Variants in PXMP2 observed in about 807,000 individuals in gnomAD.
The protein encoded by PXMP2 is 22 kDa peroxisomal membrane protein.
In PXMP2, 13 loss-of-function variants were observed where a neutral mutation model predicts 20.2. The observed-to-expected ratio is 0.64, with a 90% CI of 0.42 to 1.02. The LOEUF (loss-of-function observed/expected upper bound fraction) is 1.02. PXMP2 is among the 50% of genes least tolerant of loss of function. The pLI is 0.00. For synonymous variants in PXMP2, 113 were observed against 111.2 expected, an observed-to-expected ratio of 1.02 and a Z score of -0.10; for missense variants, 284 against 251.8, an observed-to-expected ratio of 1.13 and a Z score of -0.87.
rs180840134 is a variant in PXMP2 at position 132,695,815 on chromosome 12, G to A, written c.237-69G>A. 5.4e-6 allele frequency: 8 copies of A among 1,485,616 alleles called. No individual in the cohort carries two copies. The African/African-American group carries it at 9.8e-5, about 18-fold the overall frequency. 92.0% of individuals were successfully genotyped at this position (1,485,616 alleles called of 1,614,324 possible). A position where few individuals can be genotyped will look rare whatever the true frequency, so the allele number is the denominator to read the frequency against. On this transcript the variant is annotated intron_variant, in intron 2 of 4. Transcript: ENST00000317479. ...AGGGGTTAGGACCTGGGATTTGGGG[G>A]TGAAGCTAGACCAGAGAAGAGCACA...
chr12:132,701,397 T>A (rs7958567), intron 4 of PXMP2, 28 bp downstream of exon 4: 1 of 1,609,486 alleles, frequency 6.2e-7, no homozygotes, highest in Non-Finnish European at 8.5e-7. Flanking sequence ...CAGCCTCTGC[T>A]AACATTACTT....
At chr12:132,689,572 G>C (rs766946299) in intron 1 of PXMP2, among the ~76,000 whole-genome samples, 1 of 152,186 alleles carries the variant, frequency 6.6e-6, no homozygotes, top group Admixed American at 6.5e-5. Context: ...GGATCTGATC[G>C]AGAAGGTGTC....
intron 4 of PXMP2, chr12:132,702,558 C>T (rs1449173809): frequency 6.9e-6 from 2 of 288,510 alleles, no homozygotes; most frequent in Non-Finnish European, 1.4e-5. Flanking sequence ...CTTCCCTCCC[C>T]CAGAAGGTAT....
intron 1 of PXMP2, among the ~76,000 whole-genome samples, 176 bp from the exon 2 acceptor site, chr12:132,690,067 TGTCCTTACCTGTGTGTTTAA>T (rs1447846844): frequency 6.6e-6 from 1 of 152,240 alleles, no homozygotes; most frequent in Non-Finnish European, 1.5e-5. Context: ...GAAAGCCACT[TGTCCTTACCTGTGTGTTTAA>T]GTCCACCGTC....
At chr12:132,694,804 G>A (rs1366475994) in intron 2 of PXMP2, among the ~76,000 whole-genome samples, 1 of 142,378 alleles carries the variant, frequency 7.0e-6, no homozygotes, top group Non-Finnish European at 1.5e-5. Flanking sequence ...GCCCTTGCCA[G>A]TTAGTTAGTG....
rs2043314020 is a variant in PXMP2 at position 132,687,731 on chromosome 12, G to C, written c.61G>C (p.Ala21Pro). The change falls in exon 1 of 5, where the codon GCG (alanine) becomes CCG (proline). Residue 21 changes from alanine (A) to proline (P), a missense_variant. Coordinates refer to ENST00000317479, the MANE Select transcript of PXMP2 (RefSeq NM_018663.3). Reference protein sequence around the residue: ...EAGLGALPRRALAQYLLFLRL... With the variant: ...EAGLGALPRRPLAQYLLFLRL... ...CGGGCTCGGGGCGCTGCCGCGGCGG[G>C]CGCTCGCCCAGTACCTGCTCTTCCT... The C allele has an allele frequency of 8.2e-7, 1 of 1,217,524 alleles. No individual in the cohort carries two copies. The highest frequency in any genetic ancestry group is 4.0e-5 in the East Asian group (1 of 24,746). 75.4% of individuals were successfully genotyped at this position (1,217,524 alleles called of 1,614,324 possible).
At chr12:132,704,009 G>A (rs948989130) in intron 4 of PXMP2, among the ~76,000 whole-genome samples, 7 of 152,160 alleles carry the variant, frequency 4.6e-5, no homozygotes, top group Non-Finnish European at 8.8e-5. Context: ...AGGTGTATGC[G>A]GAAGCAGCAT....
At chr12:132,698,033 A>T in intron 3 of PXMP2, among the ~76,000 whole-genome samples, 1 of 139,352 alleles carries the variant, frequency 7.2e-6, no homozygotes, top group Non-Finnish European at 1.5e-5. Context: ...TTTTTTTGAG[A>T]CGGAGTCTCA....
chr12:132,693,171 T>G (rs1270957555), intron 2 of PXMP2, among the ~76,000 whole-genome samples: 3 of 30,852 alleles, frequency 9.7e-5, no homozygotes, highest in Admixed American at 2.5e-4. Context: ...GTTAGTGAGC[T>G]CCCTTGCCAG....
In PXMP2 at chr12:132,694,360, G is replaced by A. The variant is rs576868092; in HGVS notation, c.237-1524G>A. ...TGAGCGCCCTTGCCAGTTAGTGAGC[G>A]CCCTTGCCAGTTAGTGAGCGCCCTT... is the stretch of plus-strand genomic sequence containing the variant. On this transcript the variant is annotated intron_variant, in intron 2 of 4. Transcript: ENST00000317479. Among the ~76,000 whole-genome samples the A allele has an allele frequency of 8.1e-5, 6 of 73,982 alleles. 1 individual carries two copies. The highest frequency in any genetic ancestry group is 4.8e-4 in the South Asian group (1 of 2,082). The allele number at this position is 73,982 out of a possible 152,430, so 48.5% of individuals were successfully genotyped here.
Position 132,695,941 on chromosome 12 carries a change from C to T in PXMP2, c.294C>T (p.Ile98=), listed in dbSNP as rs763030719. The T allele has an allele frequency of 1.2e-6, 2 of 1,611,748 alleles. No homozygotes were observed. Among genetic ancestry groups the T allele is most frequent in the Non-Finnish European group, 8.5e-7 (1 of 1,178,960 alleles). The change falls in exon 3 of 5, where the codon ATC becomes ATT. Residue 98 remains isoleucine, a synonymous_variant. Coordinates refer to ENST00000317479, the MANE Select transcript of PXMP2 (RefSeq NM_018663.3). ...HFFYFFMEHW[I]PPEVPLAGLR... ...TCTACTTCTTCATGGAACATTGGAT[C>T]CCTCCTGAGGTCCCCCTGGCAGGGC...
intron 3 of PXMP2, among the ~76,000 whole-genome samples, chr12:132,698,930 A>C (rs1365107708): frequency 2.0e-5 from 3 of 152,230 alleles, no homozygotes; most frequent in Non-Finnish European, 4.4e-5. Flanking sequence ...TACTTTAAAC[A>C]AGAAAATATT....
intron 3 of PXMP2, among the ~76,000 whole-genome samples, chr12:132,698,746 C>A (rs2043423320): frequency 1.3e-5 from 2 of 152,104 alleles, no homozygotes; most frequent in African/African-American, 2.4e-5. Flanking sequence ...CATGTCTCAG[C>A]CTCCAGAGTA....
chr12:132,704,538 A>G (rs2136070475), intron 4 of PXMP2, 81 bp from the exon 5 acceptor site: 2 of 1,172,430 alleles, frequency 1.7e-6, no homozygotes, highest in Non-Finnish European at 1.2e-6. Context: ...ACGGGTAAAC[A>G]AATGAACTGG....
Position 132,704,862 on chromosome 12 carries a change from T to C in PXMP2, c.*175T>C, listed in dbSNP as rs748475908. On this transcript the variant is annotated 3_prime_UTR_variant, in exon 5 of 5. Transcript: ENST00000317479. ...TCTCTGAATGTCAGAACCCTGTCTT[T>C]TAAAAAGGCAGTCGCTGCCTTCAGG... is the stretch of plus-strand genomic sequence containing the variant. 4.3e-6 allele frequency: 3 copies of C among 692,810 alleles called. No homozygotes were observed. The Admixed American group carries it at 7.6e-5, about 18-fold the overall frequency. The allele number at this position is 692,810 out of a possible 1,614,324, so 42.9% of individuals were successfully genotyped here. A position where few individuals can be genotyped will look rare whatever the true frequency, so the allele number is the denominator to read the frequency against.
At chr12:132,701,641 C>T in intron 4 of PXMP2, 3 of 437,980 alleles carry the variant, frequency 6.8e-6, no homozygotes, top group Non-Finnish European at 1.2e-5. Flanking sequence ...TCTGTTCGTT[C>T]AGCAAATTCT....
Position 132,700,380 on chromosome 12 carries a change from C to T in PXMP2, c.400-870C>T, listed in dbSNP as rs150568923. 1.9e-3 allele frequency among the ~76,000 whole-genome samples: 285 copies of T among 152,182 alleles called. 2 individuals carry two copies. Among genetic ancestry groups the T allele is most frequent in the African/African-American group, 6.4e-3 (266 of 41,534 alleles). On this transcript the variant is annotated intron_variant, in intron 3 of 4. Transcript: ENST00000317479. Reference sequence around the variant, plus strand: ...TTTTAATAATAGCCATTCTGACTCGCGTGAGGTGGTATCTCCTTGTGGTTT... The same window carrying T: ...TTTTAATAATAGCCATTCTGACTCGTGTGAGGTGGTATCTCCTTGTGGTTT...
intron 4 of PXMP2, 128 bp from the exon 5 acceptor site, chr12:132,704,491 C>T: frequency 1.6e-6 from 1 of 617,552 alleles, no homozygotes; most frequent in Non-Finnish European, 2.6e-6. Context: ...TCAGTAAATG[C>T]AGTAATGGAT....
At chr12:132,694,177 C>T (rs1178882849) in intron 2 of PXMP2, among the ~76,000 whole-genome samples, 2 of 110,716 alleles carry the variant, frequency 1.8e-5, no homozygotes, top group Non-Finnish European at 3.8e-5. Flanking sequence ...TTAGTGAGCT[C>T]CCTTAGCTAG....
Sources: allele counts gnomAD v4.1 joint callset (sites outside exome capture counted in the v4.1 genomes callset), GRCh38; gene constraint gnomAD v4.1.1; transcripts MANE v1.5; gene names NCBI Gene and HGNC (gene_info 2026-07-23, HGNC 2026-07-21).